Variants in SEC61A1 observed in about 807,000 individuals in gnomAD.
The protein encoded by SEC61A1 is SEC61 translocon subunit alpha 1, also known as protein transport protein Sec61 subunit alpha isoform 1.
Under a neutral mutation model 55.2 loss-of-function variants are expected in SEC61A1, and 15 were observed. The observed-to-expected ratio is 0.27, with a 90% CI of 0.18 to 0.42. The LOEUF is 0.42. Ranked by LOEUF, SEC61A1 falls within the 10% of genes least tolerant of loss-of-function variation. SEC61A1 has a pLI of 1.00. For missense variants in SEC61A1, 284 were observed against 602.6 expected (o/e 0.47, Z 5.53); for synonymous variants, 247 against 234.0 (o/e 1.06, Z -0.51).
At chr3:128,053,026 T>TGTAGTTGTGCTCTGTTATTCCGGAGA (rs1941713559) in intron 2 of SEC61A1, 124 bp downstream of exon 2, 1 of 691,706 alleles carries the variant, frequency 1.4e-6, no homozygotes, top group Admixed American at 3.0e-5. Flanking sequence ...TCCCTTGGAG[T>TGTAGTTGTGCTCTGTTATTCCGGAGA]GTAGTTGTGC....
At chr3:128,053,944 C>T (rs991766625) in intron 2 of SEC61A1, among the ~76,000 whole-genome samples, 4 of 152,132 alleles carry the variant, frequency 2.6e-5, no homozygotes, top group Admixed American at 2.0e-4. Flanking sequence ...CTTGAAGGGA[C>T]GGAAAGGAAT....
chr3:128,067,585 T>TG lies in SEC61A1; in HGVS notation c.1141dup (p.Glu381GlyfsTer32). The TG allele has an allele frequency of 6.2e-7, 1 of 1,610,918 alleles. No individual in the cohort carries two copies. The highest frequency in any genetic ancestry group is 8.5e-7 in the Non-Finnish European group (1 of 1,178,946). On this transcript the variant is annotated frameshift_variant, in exon 10 of 12. Coordinates refer to ENST00000243253, the MANE Select transcript of SEC61A1 (RefSeq NM_013336.4). LOFTEE classifies it high-confidence loss of function. The surrounding 1 kb of genome is among the most constrained non-coding windows in gnomAD (Gnocchi z 4.1). ...GTGCATTCTTCTCCAAAACGTGGATTGAGGTCTCAGGTTCCTCTGCCAAAG... is the reference window on the plus strand; with the variant it reads ...GTGCATTCTTCTCCAAAACGTGGATTGGAGGTCTCAGGTTCCTCTGCCAAAG...
At chr3:128,057,024 C>T (rs780700529) in intron 5 of SEC61A1, among the ~76,000 whole-genome samples, 184 bp downstream of exon 5, 10 of 151,960 alleles carry the variant, frequency 6.6e-5, no homozygotes, top group Non-Finnish European at 1.5e-4. Flanking sequence ...GCAACCTCCA[C>T]CTCCCAGGTT....
At chr3:128,064,188 G>T (rs1941896119) in intron 7 of SEC61A1, among the ~76,000 whole-genome samples, 1 of 152,212 alleles carries the variant, frequency 6.6e-6, no homozygotes. Context: ...GATTGTCCAG[G>T]AAAGTAGATT....
chr3:128,060,248 C>T, intron 6 of SEC61A1, 37 bp downstream of exon 6: 1 of 1,402,128 alleles, frequency 7.1e-7, no homozygotes, highest in Non-Finnish European at 1.0e-6. Flanking sequence ...TGAGTAGCCC[C>T]TCACACTTAC....
intron 1 of SEC61A1, 120 bp from the exon 2 acceptor site, chr3:128,052,715 G>C (rs1423075335): frequency 2.0e-6 from 3 of 1,497,268 alleles, no homozygotes; most frequent in East Asian, 4.8e-5. Context: ...ACGCGTCCGG[G>C]GTGCGGCCGG....
At chr3:128,051,806 C>A, upstream of SEC61A1, 1 of 1,534,416 alleles carries the variant, frequency 6.5e-7, no homozygotes, top group Non-Finnish European at 8.7e-7. Context: ...CTTCTCCGGC[C>A]AAGTCTCTCC....
At chr3:128,068,633 T>TA (rs1942058539) in intron 11 of SEC61A1, 1 of 154,026 alleles carries the variant, frequency 6.5e-6, no homozygotes, top group African/African-American at 2.4e-5. Flanking sequence ...GGAGGCCACA[T>TA]ACCTGCCAGG....
chr3:128,053,005 C>A, intron 2 of SEC61A1, 103 bp downstream of exon 2: 1 of 802,684 alleles, frequency 1.2e-6, no homozygotes, highest in Non-Finnish European at 2.0e-6. Context: ...AATGGAAACT[C>A]TCCCTTCTCT....
upstream of SEC61A1, chr3:128,052,030 T>A: frequency 1.3e-6 from 1 of 798,026 alleles, no homozygotes; most frequent in Non-Finnish European, 2.1e-6. Flanking sequence ...GTCTATTCAC[T>A]AACGTCAAAG....
At chr3:128,055,613 G>A (rs1487535565) in intron 3 of SEC61A1, 32 bp downstream of exon 3, 8 of 1,609,590 alleles carry the variant, frequency 5.0e-6, no homozygotes, top group Admixed American at 1.7e-5. Flanking sequence ...GTATTGGGGA[G>A]GGGGATAAGA....
At position 128,069,745 on chromosome 3, in the gene SEC61A1, C is replaced by G; in HGVS notation, c.*83C>G. 2 of 1,103,588 alleles carry G rather than the reference C, an allele frequency of 1.8e-6. No individual in the cohort carries two copies. Among genetic ancestry groups the G allele is most frequent in the South Asian group, 2.8e-5 (2 of 70,494 alleles). 68.4% of individuals were successfully genotyped at this position (1,103,588 alleles called of 1,614,324 possible). Reference sequence around the variant, plus strand: ...CTCATCATGGCGCGTGCTGCTGCGGCATATGGACTTTTAATAATGTTTTTG... The same window carrying G: ...CTCATCATGGCGCGTGCTGCTGCGGGATATGGACTTTTAATAATGTTTTTG... On this transcript the variant is annotated 3_prime_UTR_variant, in exon 12 of 12. Transcript: ENST00000243253.
intron 8 of SEC61A1, among the ~76,000 whole-genome samples, chr3:128,065,719 CAGATCATTA>C (rs542430015): frequency 2.4e-4 from 35 of 145,682 alleles, no homozygotes; most frequent in Middle Eastern, 3.7e-3. Flanking sequence ...AATTTGCAGT[CAGATCATTA>C]AGAATTTTTT....
At chr3:128,062,365 CAG>C (rs1000125550) in intron 7 of SEC61A1, among the ~76,000 whole-genome samples, 5 of 152,308 alleles carry the variant, frequency 3.3e-5, no homozygotes, top group Admixed American at 6.5e-5. Flanking sequence ...TGGCTTGGGA[CAG>C]GGGAGGCTGT....
At chr3:128,068,569 GTC>G (rs1942055389) in intron 11 of SEC61A1, 1 of 158,184 alleles carries the variant, frequency 6.3e-6, no homozygotes, top group Non-Finnish European at 1.4e-5. Context: ...GGAGCCTGCA[GTC>G]TCTTAGGAAG....
At chr3:128,054,087 A>T (rs535924902) in intron 2 of SEC61A1, among the ~76,000 whole-genome samples, 1 of 152,224 alleles carries the variant, frequency 6.6e-6, no homozygotes, top group East Asian at 1.9e-4. Flanking sequence ...GAGATGAATA[A>T]CAAGGGCCAG....
chr3:128,064,947 C>A lies in SEC61A1; in HGVS notation c.687C>A (p.Ala229=). 2 of 1,614,218 alleles carry A rather than the reference C, an allele frequency of 1.2e-6. No homozygotes were observed. The highest frequency in any genetic ancestry group is 1.7e-6 in the Non-Finnish European group (2 of 1,180,036). The change falls in exon 8 of 12, where the codon GCC becomes GCA. Residue 229 remains alanine (A), a synonymous_variant. Transcript: ENST00000243253. ...LLATRTDKVR[A]LREAFYRQNL... ...CCACACGCACAGACAAGGTCCGAGC[C>A]CTTCGGGAGGCGTTCTACCGCCAGA... is the stretch of plus-strand genomic sequence containing the variant.
At chr3:128,060,410 G>A (rs1559795774) in intron 6 of SEC61A1, 98 bp from the exon 7 acceptor site, 14 of 1,334,070 alleles carry the variant, frequency 1.0e-5, no homozygotes, top group East Asian at 6.9e-5. Flanking sequence ...ATCTCATTCC[G>A]TCTTCAGCGT....
Position 128,069,683 on chromosome 3 carries a change from G to A in SEC61A1, c.*21G>A, listed in dbSNP as rs1353898844. On this transcript the variant is annotated 3_prime_UTR_variant, in exon 12 of 12. Coordinates refer to ENST00000243253, the MANE Select transcript of SEC61A1 (RefSeq NM_013336.4). ...TCTGAGCCCGTCTCCCGGACAGGTTGAGGAAGCTGCTCCAGAAGCGCCTCG... is the reference window on the plus strand; with the variant it reads ...TCTGAGCCCGTCTCCCGGACAGGTTAAGGAAGCTGCTCCAGAAGCGCCTCG... 1.9e-6 allele frequency: 3 copies of A among 1,610,182 alleles called. No homozygotes were observed. The highest frequency in any genetic ancestry group is 2.5e-6 in the Non-Finnish European group (3 of 1,177,002).
Sources: gnomAD v4.1 joint callset for allele counts (sites outside exome capture counted in the v4.1 genomes callset) on GRCh38, gnomAD v4.1.1 for gene constraint, Gnocchi (gnomAD v3.1) non-coding constraint, MANE v1.5 for transcripts, NCBI Gene and HGNC (gene_info 2026-07-23, HGNC 2026-07-21) for gene names.